Variants in ODAD2 observed in about 807,000 individuals in gnomAD.
ODAD2 encodes the protein outer dynein arm docking complex subunit 2.
ODAD2 carries 89 observed loss-of-function variants against 106.8 expected under a neutral mutation model. The ratio of observed to expected loss-of-function variants is 0.83; its 90% confidence interval spans 0.70 to 0.99. The LOEUF (loss-of-function observed/expected upper bound fraction) is 0.99, where lower values mean the gene tolerates loss of function less well. ODAD2 is among the 50% of genes least tolerant of loss of function. ODAD2 has a pLI of 0.00. For missense variants in ODAD2, 1,168 were observed against 1,238.5 expected, an observed-to-expected ratio of 0.94 and a Z score of 0.85; for synonymous variants, 404 against 436.2, an observed-to-expected ratio of 0.93 and a Z score of 0.92.
intron 19 of ODAD2, among the ~76,000 whole-genome samples, chr10:27,823,431 C>T (rs1341284899): frequency 6.6e-6 from 1 of 152,146 alleles, no homozygotes. Context: ...TTCAGACAGT[C>T]TGAATTTGAA....
intron 17 of ODAD2, among the ~76,000 whole-genome samples, chr10:27,867,753 C>T (rs1417608745): frequency 6.6e-6 from 1 of 152,040 alleles, no homozygotes; most frequent in Non-Finnish European, 1.5e-5. Flanking sequence ...AGGTTGAGAC[C>T]AGCCTGGCCA....
chr10:27,957,691 T>C (rs1316247443), intron 10 of ODAD2: 5 of 152,210 alleles, frequency 3.3e-5, no homozygotes, highest in African/African-American at 7.2e-5. Flanking sequence ...AATTTATACA[T>C]ATATAAAACT....
rs112482000 is a variant in ODAD2, at chr10:27,983,087, G to A, written c.819+756C>T. On this transcript the variant is annotated intron_variant, in intron 6 of 19. Transcript: ENST00000305242. Reference sequence around the variant, plus strand: ...CCCTGTTAGAGTCACCCCAGCAACGGCCCTTCTTTCCACACAGTGGCAGTT... The same window carrying A: ...CCCTGTTAGAGTCACCCCAGCAACGACCCTTCTTTCCACACAGTGGCAGTT... 5.5e-3 allele frequency among the ~76,000 whole-genome samples: 844 copies of A among 152,290 alleles called. 11 individuals carry two copies. Among genetic ancestry groups the A allele is most frequent in the African/African-American group, 0.019 (781 of 41,572 alleles).
chr10:27,911,512 T>C (rs1033108419), intron 16 of ODAD2, among the ~76,000 whole-genome samples: 12 of 152,194 alleles, frequency 7.9e-5, no homozygotes, highest in African/African-American at 2.9e-4. Context: ...CATTATAATC[T>C]GTAATAAATG....
At chr10:27,901,909 T>G (rs1432166234) in intron 17 of ODAD2, among the ~76,000 whole-genome samples, 1 of 151,956 alleles carries the variant, frequency 6.6e-6, no homozygotes, top group Non-Finnish European at 1.5e-5. Context: ...AGACAGAAAA[T>G]TAACAAGGAT....
chr10:27,874,348 T>C (rs760845528), intron 17 of ODAD2, among the ~76,000 whole-genome samples: 6 of 152,286 alleles, frequency 3.9e-5, no homozygotes, highest in Non-Finnish European at 5.9e-5. Context: ...GCATTTAGTC[T>C]ATTTACATTT....
At chr10:27,933,425 G>C (rs1845741496) in intron 16 of ODAD2, among the ~76,000 whole-genome samples, 1 of 152,146 alleles carries the variant, frequency 6.6e-6, no homozygotes, top group South Asian at 2.1e-4. Context: ...TGAAGGTTTT[G>C]TGGGCCAAGA....
At chr10:27,914,969 T>C (rs562811573) in intron 16 of ODAD2, among the ~76,000 whole-genome samples, 2 of 151,918 alleles carry the variant, frequency 1.3e-5, no homozygotes, top group Non-Finnish European at 2.9e-5. Context: ...AAACAACATA[T>C]GCATGATTGG....
At chr10:27,882,239 T>C (rs1435144155) in intron 17 of ODAD2, among the ~76,000 whole-genome samples, 2 of 110,924 alleles carry the variant, frequency 1.8e-5, no homozygotes, top group Admixed American at 8.9e-5. Flanking sequence ...GAAAGAAATA[T>C]GAACTCTCTG....
At chr10:27,890,102 C>T (rs1474917180) in intron 17 of ODAD2, among the ~76,000 whole-genome samples, 1 of 152,100 alleles carries the variant, frequency 6.6e-6, no homozygotes, top group Non-Finnish European at 1.5e-5. Context: ...GATCATGGAA[C>T]AAATGTGTGC....
intron 16 of ODAD2, among the ~76,000 whole-genome samples, chr10:27,931,583 C>T (rs1350240785): frequency 6.6e-6 from 1 of 151,194 alleles, no homozygotes; most frequent in African/African-American, 2.4e-5. Flanking sequence ...AGGTTCTTTA[C>T]AATTCAGAAT....
intron 10 of ODAD2, among the ~76,000 whole-genome samples, chr10:27,954,842 T>C (rs1426621791): frequency 6.6e-6 from 1 of 152,240 alleles, no homozygotes; most frequent in African/African-American, 2.4e-5. Flanking sequence ...TTGTGGGCAA[T>C]ATAAGCATAC....
intron 19 of ODAD2, among the ~76,000 whole-genome samples, chr10:27,843,938 AC>A (rs1247005319): frequency 6.6e-6 from 1 of 151,626 alleles, no homozygotes; most frequent in African/African-American, 2.4e-5. Flanking sequence ...ACATGCTCAC[AC>A]CTGTAATCCC....
intron 10 of ODAD2, among the ~76,000 whole-genome samples, chr10:27,958,677 A>C (rs1425433364): frequency 1.3e-5 from 2 of 152,240 alleles, no homozygotes; most frequent in African/African-American, 2.4e-5. Flanking sequence ...TAAGCAATAG[A>C]AATGATTATT....
At chr10:27,915,341 G>A (rs1297370264) in intron 16 of ODAD2, among the ~76,000 whole-genome samples, 1 of 152,084 alleles carries the variant, frequency 6.6e-6, no homozygotes. Context: ...ATAAAGGCAG[G>A]CAGATTCAGT....
intron 19 of ODAD2, among the ~76,000 whole-genome samples, chr10:27,819,778 T>C (rs543628876): frequency 6.6e-6 from 1 of 151,608 alleles, no homozygotes; most frequent in South Asian, 2.1e-4. Context: ...ATAGTGATTT[T>C]TCTAGGAAGG....
intron 17 of ODAD2, among the ~76,000 whole-genome samples, chr10:27,884,384 C>G (rs1333837003): frequency 6.6e-6 from 1 of 152,102 alleles, no homozygotes; most frequent in Non-Finnish European, 1.5e-5. Flanking sequence ...ACAAAAAACC[C>G]ACACTTGAAA....
chr10:27,812,697 A>ATAGC, intron 19 of ODAD2, 72 bp from the exon 20 acceptor site: 1 of 1,477,642 alleles, frequency 6.8e-7, no homozygotes, highest in Non-Finnish European at 8.9e-7. Context: ...AAGTTAGGCT[A>ATAGC]GGAAAATAAT....
chr10:27,990,748 G>A lies in ODAD2; in HGVS notation c.225-3205C>T, dbSNP rs185873552. On this transcript the variant is annotated intron_variant, in intron 2 of 19. Transcript: ENST00000305242. ...ATATCGATCACAAAGCTAAGGTCCA[G>A]AAAGGTATAAATTGTGTGTGAATTG... Among the ~76,000 whole-genome samples, 137 of 152,308 alleles carry A rather than the reference G, an allele frequency of 9.0e-4. 1 individual carries two copies. The highest frequency in any genetic ancestry group is 3.3e-3 in the African/African-American group (136 of 41,574).
Sources: allele counts gnomAD v4.1 joint callset (sites outside exome capture counted in the v4.1 genomes callset), GRCh38; gene constraint gnomAD v4.1.1; transcripts MANE v1.5; gene names NCBI Gene and HGNC (gene_info 2026-07-23, HGNC 2026-07-21).